ACP3: variants seen among roughly 807,000 people sequenced by gnomAD.
ACP3 encodes prostatic acid phosphatase.
In ACP3, 38 loss-of-function variants were observed where a neutral mutation model predicts 45.6. That is an observed-to-expected ratio of 0.83 (90% CI 0.64 to 1.09). The LOEUF is 1.09. Ranked by LOEUF, ACP3 falls within the 50% of genes least tolerant of loss-of-function variation. The pLI is 0.00. For synonymous variants in ACP3, 162 were observed against 164.7 expected (o/e 0.98, Z 0.13); for missense variants, 466 against 463.2 (o/e 1.01, Z -0.05).
intron 10 of ACP3, among the ~76,000 whole-genome samples, chr3:132,365,150 A>G (rs1407765973): frequency 5.3e-5 from 8 of 152,266 alleles, no homozygotes; most frequent in African/African-American, 1.9e-4. Context: ...TGTGCCAGAT[A>G]CTGTTCTCAG....
At chr3:132,350,941 G>T (rs980344945) in intron 8 of ACP3, among the ~76,000 whole-genome samples, 1 of 152,174 alleles carries the variant, frequency 6.6e-6, no homozygotes, top group Non-Finnish European at 1.5e-5. Context: ...CTAAAATTAG[G>T]GCAGCGGCAG....
chr3:132,332,370 A>G, intron 4 of ACP3, 26 bp downstream of exon 4: 1 of 1,613,652 alleles, frequency 6.2e-7, no homozygotes, highest in Non-Finnish European at 8.5e-7. Context: ...AAACCAGGAG[A>G]TTTCAGATGG....
intron 5 of ACP3, among the ~76,000 whole-genome samples, chr3:132,339,548 A>C (rs1004026832): frequency 6.6e-6 from 1 of 152,136 alleles, no homozygotes; most frequent in East Asian, 1.9e-4. Flanking sequence ...GGTTCCCACA[A>C]CTTCCTCTTT....
intron 5 of ACP3, among the ~76,000 whole-genome samples, chr3:132,338,709 C>T (rs1318614797): frequency 6.6e-6 from 1 of 152,184 alleles, no homozygotes; most frequent in East Asian, 1.9e-4. Context: ...AATAATATCA[C>T]TAGAAGCATC....
chr3:132,327,716 G>A (rs1448237708), intron 1 of ACP3, among the ~76,000 whole-genome samples: 4 of 151,902 alleles, frequency 2.6e-5, no homozygotes, highest in African/African-American at 4.8e-5. Context: ...CTACTCAGGC[G>A]GCTGAGGCAG....
chr3:132,363,430 C>T (rs1339270411), downstream of ACP3, among the ~76,000 whole-genome samples: 1 of 152,136 alleles, frequency 6.6e-6, no homozygotes, highest in Non-Finnish European at 1.5e-5. Context: ...CATGAGATTG[C>T]CTTGACCACA....
At chr3:132,319,903 A>T (rs529938504) in intron 1 of ACP3, among the ~76,000 whole-genome samples, 1 of 152,210 alleles carries the variant, frequency 6.6e-6, no homozygotes, top group African/African-American at 2.4e-5. Context: ...TGATCCGAGA[A>T]AAATAAATCC....
intron 7 of ACP3, among the ~76,000 whole-genome samples, chr3:132,346,515 G>A (rs1937610364): frequency 6.6e-6 from 1 of 152,236 alleles, no homozygotes; most frequent in South Asian, 2.1e-4. Context: ...TTGAGGAAGG[G>A]AGAGTCTCCA....
At chr3:132,332,932 C>G (rs1166053474) in intron 4 of ACP3, among the ~76,000 whole-genome samples, 1 of 152,136 alleles carries the variant, frequency 6.6e-6, no homozygotes. Context: ...ACAAATTGGT[C>G]CAAAGCAACA....
chr3:132,342,265 C>T (rs552473313), intron 5 of ACP3, among the ~76,000 whole-genome samples: 5 of 152,288 alleles, frequency 3.3e-5, no homozygotes, highest in African/African-American at 1.2e-4. Context: ...ATGACATTAT[C>T]GTAACCAATA....
intron 1 of ACP3, among the ~76,000 whole-genome samples, chr3:132,327,531 T>G (rs1245354069): frequency 1.4e-5 from 2 of 146,956 alleles, no homozygotes; most frequent in African/African-American, 2.6e-5. Flanking sequence ...AAAAAAAAGT[T>G]ATACTAGTTG....
At chr3:132,355,093 C>T (rs1030037465) in intron 9 of ACP3, among the ~76,000 whole-genome samples, 1 of 152,190 alleles carries the variant, frequency 6.6e-6, no homozygotes, top group Admixed American at 6.5e-5. Context: ...ACCCAGGGTT[C>T]CCTCTTTGGA....
In ACP3 at chr3:132,326,189, T is replaced by G. The variant is rs1164954474; in HGVS notation, c.121-2078T>G. 9.3e-3 allele frequency among the ~76,000 whole-genome samples: 1,413 copies of G among 152,286 alleles called. 22 individuals carry two copies. Among genetic ancestry groups the G allele is most frequent in the African/African-American group, 0.032 (1,319 of 41,540 alleles). ...AGGCTAGGGATGCTGCTAGACATTCTACAATGCACAGGACAACCCCCACAA... is the reference window on the plus strand; with the variant it reads ...AGGCTAGGGATGCTGCTAGACATTCGACAATGCACAGGACAACCCCCACAA... On this transcript the variant is annotated intron_variant, in intron 1 of 9. Coordinates refer to ENST00000336375, the MANE Select transcript of ACP3 (RefSeq NM_001099.5).
intron 5 of ACP3, 54 bp downstream of exon 5, chr3:132,337,608 G>T: frequency 8.6e-6 from 10 of 1,161,432 alleles, no homozygotes; most frequent in Non-Finnish European, 1.3e-5. Flanking sequence ...TGGTACTTGA[G>T]TGTGAGGGCC....
intron 10 of ACP3, among the ~76,000 whole-genome samples, chr3:132,364,582 T>C (rs1466225922): frequency 6.6e-6 from 1 of 152,214 alleles, no homozygotes; most frequent in Non-Finnish European, 1.5e-5. Flanking sequence ...TGACTGCAAC[T>C]TTCTCTTTGT....
chr3:132,356,863 A>G lies in ACP3; in HGVS notation c.1146A>G (p.Glu382=), dbSNP rs2071505. 0.54 allele frequency: 865,074 copies of G among 1,613,056 alleles called. 239,663 individuals are homozygous for G. Among genetic ancestry groups the G allele is most frequent in the Middle Eastern group, 0.58 (3,531 of 6,056 alleles). ...CMTTNSHQGT[E]DSTD is the part of the protein sequence containing the mutation. ...CCACAAACAGCCATCAAGGTACTGA[A>G]GACAGTACAGATTAGTGTGCACAGA... The change falls in exon 10 of 10, where the codon GAA becomes GAG. Residue 382 remains glutamate (E), a synonymous_variant. Transcript: ENST00000336375.
At chr3:132,344,604 A>G (rs1051193531) in intron 6 of ACP3, among the ~76,000 whole-genome samples, 1 of 152,222 alleles carries the variant, frequency 6.6e-6, no homozygotes, top group Non-Finnish European at 1.5e-5. Context: ...TGTCAGGTTC[A>G]TAGAAAGATT....
intron 4 of ACP3, among the ~76,000 whole-genome samples, chr3:132,336,421 A>G (rs1053405869): frequency 9.2e-5 from 14 of 152,226 alleles, no homozygotes; most frequent in Non-Finnish European, 8.8e-5. Context: ...ATGAAGATAA[A>G]AAAAAGCGGT....
intron 1 of ACP3, among the ~76,000 whole-genome samples, chr3:132,325,923 G>A (rs917092996): frequency 6.6e-6 from 1 of 152,208 alleles, no homozygotes; most frequent in African/African-American, 2.4e-5. Context: ...TTACATCTAT[G>A]AGAAGCACTT....
Sources: allele counts gnomAD v4.1 joint callset (sites outside exome capture counted in the v4.1 genomes callset), GRCh38; gene constraint gnomAD v4.1.1; transcripts MANE v1.5; gene names NCBI Gene and HGNC (gene_info 2026-07-23, HGNC 2026-07-21).